Variants in PCDHA9 observed in about 807,000 individuals in gnomAD.
The protein encoded by PCDHA9 is protocadherin alpha-9.
Under a neutral mutation model 62.0 loss-of-function variants are expected in PCDHA9, and 62 were observed. The ratio of observed to expected loss-of-function variants is 1.00; its 90% CI spans 0.81 to 1.23. The LOEUF is 1.23. Ranked by LOEUF, PCDHA9 falls within the 50% of genes most tolerant of loss-of-function variation. The probability of loss-of-function intolerance (pLI) is 0.00; values close to 1 mark genes in which losing one functional copy is unlikely to be tolerated. For missense variants in PCDHA9, 1,205 were observed against 1,249.8 expected (o/e 0.96, Z 0.54); for synonymous variants, 557 against 567.6 (o/e 0.98, Z 0.27).
At chr5:140,885,930 AT>A (rs1188534786) in intron 1 of PCDHA9, among the ~76,000 whole-genome samples, 9 of 152,222 alleles carry the variant, frequency 5.9e-5, no homozygotes, top group Admixed American at 5.9e-4. Context: ...CTGTTTATCT[AT>A]TTTTTGACAT....
intron 1 of PCDHA9, among the ~76,000 whole-genome samples, chr5:140,920,841 T>TAAAA (rs781921146): frequency 7.3e-5 from 8 of 109,222 alleles, no homozygotes; most frequent in African/African-American, 1.0e-4. Flanking sequence ...AGACCAAATC[T>TAAAA]AAAAAAAAAA....
At chr5:140,890,738 A>G (rs1283898948) in intron 1 of PCDHA9, among the ~76,000 whole-genome samples, 1 of 152,200 alleles carries the variant, frequency 6.6e-6, no homozygotes. Context: ...TGACTTATAT[A>G]CTATTTCTGT....
intron 1 of PCDHA9, among the ~76,000 whole-genome samples, chr5:140,937,400 T>A (rs1210509586): frequency 6.6e-6 from 1 of 152,224 alleles, no homozygotes; most frequent in Non-Finnish European, 1.5e-5. Flanking sequence ...ATAGGGGTAT[T>A]GCACAACTTT....
chr5:140,881,376 C>T (rs1487314933), intron 1 of PCDHA9: 2 of 984,636 alleles, frequency 2.0e-6, no homozygotes, highest in South Asian at 4.7e-5. Context: ...GAATTGCAGC[C>T]GGCGGCGGTA....
Position 140,850,307 on chromosome 5 carries a change from C to T in PCDHA9, c.1812C>T (p.Asn604=), listed in dbSNP as rs2150478733. The stretch of plus-strand genomic sequence containing the variant: ...CAGTGGACGCCGACTCGGGCTACAA[C>T]GCGTGGCTTTCATACGAGCTGCAGC... The part of the protein sequence containing the change: ...VRAVDADSGY[N]AWLSYELQPE... The change falls in exon 1 of 4, where the codon AAC becomes AAT. Residue 604 remains asparagine, a synonymous_variant. Transcript: ENST00000532602. 6.3e-7 allele frequency: 1 copy of T among 1,597,050 alleles called. No homozygotes were observed. The highest frequency in any genetic ancestry group is 8.6e-7 in the Non-Finnish European group (1 of 1,167,650).
chr5:140,919,601 A>G (rs1465882979), intron 1 of PCDHA9, among the ~76,000 whole-genome samples: 1 of 152,178 alleles, frequency 6.6e-6, no homozygotes, highest in Non-Finnish European at 1.5e-5. Context: ...TTTAAAATAA[A>G]TTTTAAACTG....
chr5:140,886,422 T>G (rs930235903), intron 1 of PCDHA9, among the ~76,000 whole-genome samples: 1 of 152,240 alleles, frequency 6.6e-6, no homozygotes, highest in Non-Finnish European at 1.5e-5. Flanking sequence ...TCCTATATTA[T>G]TTCTATTCAT....
At chr5:140,868,379 T>A (rs1554161939) in intron 1 of PCDHA9, 7 of 152,204 alleles carry the variant, frequency 4.6e-5, no homozygotes, top group African/African-American at 2.4e-5. Flanking sequence ...CAGTAAAGAA[T>A]GAGAACTATA....
chr5:140,884,549 G>A (rs782470468), intron 1 of PCDHA9: 3 of 1,614,016 alleles, frequency 1.9e-6, no homozygotes, highest in African/African-American at 1.3e-5. Context: ...GGTGTGCTCT[G>A]GGGAGGGCCC....
Position 140,875,764 on chromosome 5 carries a change from C to T in PCDHA9, c.2394+24875C>T, listed in dbSNP as rs782377276. On this transcript the variant is annotated intron_variant, in intron 1 of 3. Coordinates refer to ENST00000532602, the MANE Select transcript of PCDHA9 (RefSeq NM_031857.2). ...GATCGACCGCGAGAAGCTGTGCGGGCGGAGCGCGGAGTGCAGTATCCACCT... is the reference window on the plus strand; with the variant it reads ...GATCGACCGCGAGAAGCTGTGCGGGTGGAGCGCGGAGTGCAGTATCCACCT... 27 of 1,614,078 alleles carry T rather than the reference C, an allele frequency of 1.7e-5. No homozygotes were observed. In the South Asian group the frequency reaches 2.1e-4, roughly 12 times the overall value.
intron 3 of PCDHA9, among the ~76,000 whole-genome samples, chr5:140,987,224 A>AT (rs34154612): frequency 0.031 from 4,713 of 152,034 alleles, 257 homozygotes; most frequent in African/African-American, 0.11. Context: ...AAAAAAAAAA[A>AT]AAATAATAAA....
chr5:140,885,998 A>G (rs2060805032), intron 1 of PCDHA9, among the ~76,000 whole-genome samples: 1 of 152,190 alleles, frequency 6.6e-6, no homozygotes, highest in Non-Finnish European at 1.5e-5. Context: ...GTTGAAAGAA[A>G]TAGTAAAGGG....
At chr5:140,964,961 G>A (rs552220130) in intron 1 of PCDHA9, among the ~76,000 whole-genome samples, 1 of 152,320 alleles carries the variant, frequency 6.6e-6, no homozygotes, top group Non-Finnish European at 1.5e-5. Context: ...TTGGTTGGTG[G>A]AACGAAGGGA....
At chr5:140,914,964 T>A (rs1328203928) in intron 1 of PCDHA9, among the ~76,000 whole-genome samples, 18 of 131,662 alleles carry the variant, frequency 1.4e-4, no homozygotes, top group Non-Finnish European at 3.0e-4. Context: ...TTTTTTTTTC[T>A]GAGTCAGAGT....
chr5:140,988,025 G>A (rs1305100946), intron 3 of PCDHA9, among the ~76,000 whole-genome samples: 1 of 152,136 alleles, frequency 6.6e-6, no homozygotes, highest in African/African-American at 2.4e-5. Context: ...TGATTCTTAA[G>A]TTTTTTAGAA....
chr5:140,945,076 C>G (rs2093735426), intron 1 of PCDHA9, among the ~76,000 whole-genome samples: 1 of 152,104 alleles, frequency 6.6e-6, no homozygotes, highest in South Asian at 2.1e-4. Flanking sequence ...TCCACCAAAA[C>G]ACTCTTGGAA....
At chr5:140,921,131 C>T (rs532456439) in intron 1 of PCDHA9, among the ~76,000 whole-genome samples, 9 of 132,934 alleles carry the variant, frequency 6.8e-5, no homozygotes, top group Non-Finnish European at 1.1e-4. Context: ...CAGGTGCACA[C>T]CACTACACCC....
intron 1 of PCDHA9, among the ~76,000 whole-genome samples, chr5:140,925,899 G>A (rs149135478): frequency 2.0e-5 from 3 of 151,846 alleles, no homozygotes; most frequent in African/African-American, 7.3e-5. Context: ...CACCCAGATC[G>A]TCAAGGGCCG....
intron 3 of PCDHA9, among the ~76,000 whole-genome samples, chr5:141,003,556 A>G (rs1183434751): frequency 6.6e-6 from 1 of 152,034 alleles, no homozygotes; most frequent in Non-Finnish European, 1.5e-5. Flanking sequence ...CAAGTGATCC[A>G]CCTGCCTCAG....
Sources: allele counts gnomAD v4.1 joint callset (sites outside exome capture counted in the v4.1 genomes callset), GRCh38; gene constraint gnomAD v4.1.1; transcripts MANE v1.5; gene names NCBI Gene and HGNC (gene_info 2026-07-23, HGNC 2026-07-21).